Variants in BYSL observed in about 807,000 individuals in gnomAD.
The protein encoded by BYSL is bystin like.
Under a neutral mutation model 45.4 loss-of-function variants are expected in BYSL, and 21 were observed. That is an observed-to-expected ratio of 0.46 (90% CI 0.33 to 0.67). The LOEUF is 0.67. Ranked by LOEUF, BYSL falls within the 30% of genes least tolerant of loss-of-function variation. BYSL has a pLI of 0.02. For synonymous variants in BYSL, 215 were observed against 231.3 expected, an observed-to-expected ratio of 0.93 and a Z score of 0.64; for missense variants, 522 against 578.5, an observed-to-expected ratio of 0.90 and a Z score of 1.00.
At chr6:41,918,155 C>T (rs1410927999), upstream of BYSL, among the ~76,000 whole-genome samples, 2 of 152,200 alleles carry the variant, frequency 1.3e-5, no homozygotes, top group African/African-American at 2.4e-5. Flanking sequence ...GATGAATTAA[C>T]TCTCCAAATC....
Position 41,921,822 on chromosome 6 carries a change from C to T in BYSL, c.260C>T (p.Thr87Met). Residue 87 changes from threonine (T) to methionine (M), a missense_variant, in exon 1 of 7, where the codon ACG becomes ATG. By Grantham distance (81) the Thr-to-Met change is moderately conservative (BLOSUM62 -1). Coordinates refer to ENST00000230340, the MANE Select transcript of BYSL (RefSeq NM_004053.4). ...CCCGCGGCGCCGCGGGAACGCACCA[C>T]GCGGCTGGGTGAGTGTCTGGGATGA... The part of the protein sequence containing the change: ...DKPAAPRERT[T>M]RLGPRMPQDG... The T allele has an allele frequency of 4.3e-6, 7 of 1,610,750 alleles. No homozygotes were observed. The highest frequency in any genetic ancestry group is 5.9e-6 in the Non-Finnish European group (7 of 1,178,818).
rs1775644856 is a variant in BYSL, at chr6:41,931,841, T to TG, written c.968+16dup. 2 of 1,609,062 alleles carry TG rather than the reference T, an allele frequency of 1.2e-6. No individual in the cohort carries two copies. The highest frequency in any genetic ancestry group is 1.7e-6 in the Non-Finnish European group (2 of 1,175,568). ...TGTGTTGCACTCCAGGTAGTATTGCTGGGGGTGGAAGGGGGCTGGTCAGTG... is the reference window on the plus strand; with the variant it reads ...TGTGTTGCACTCCAGGTAGTATTGCTGGGGGGTGGAAGGGGGCTGGTCAGTG... On this transcript the variant is annotated intron_variant, in intron 6 of 6. Coordinates refer to ENST00000230340, the MANE Select transcript of BYSL (RefSeq NM_004053.4).
At chr6:41,908,848 C>G in the BYSL span, 11 of 199,544 alleles carry the variant, frequency 5.5e-5, no homozygotes, top group Middle Eastern at 3.9e-3. Flanking sequence ...GCATAGATGC[C>G]TTGGAGTCAG....
chr6:41,930,510 C>G, intron 3 of BYSL, 125 bp from the exon 4 acceptor site: 2 of 1,341,482 alleles, frequency 1.5e-6, no homozygotes, highest in Non-Finnish European at 2.0e-6. Context: ...ATAATGGCAC[C>G]TCCTTATAGG....
In BYSL at chr6:41,932,776, T is replaced by A. The variant is rs1194783090; in HGVS notation, c.*70T>A. The A allele has an allele frequency of 6.8e-7, 1 of 1,477,796 alleles. No individual in the cohort carries two copies. Among genetic ancestry groups the A allele is most frequent in the Non-Finnish European group, 9.2e-7 (1 of 1,090,110 alleles). 91.5% of individuals were successfully genotyped at this position (1,477,796 alleles called of 1,614,324 possible). A position where few individuals can be genotyped will look rare whatever the true frequency, so the allele number is the denominator to read the frequency against. ...CAAGACCCCCGTTGGTGACTGAAGA[T>A]GACACTGAGCTTTAATGGCTGAAGA... is the stretch of plus-strand genomic sequence containing the variant. On this transcript the variant is annotated 3_prime_UTR_variant, in exon 7 of 7. Transcript: ENST00000230340. The surrounding 1 kb of genome is among the most constrained non-coding windows in gnomAD (Gnocchi z 4.7).
upstream of BYSL, chr6:41,920,832 G>A (rs1775443601): frequency 1.1e-5 from 7 of 647,708 alleles, no homozygotes; most frequent in South Asian, 6.7e-5. Flanking sequence ...AGGAAGGGGC[G>A]CATCTCTGAG....
At chr6:41,927,046 A>T (rs1775573318) in intron 1 of BYSL, among the ~76,000 whole-genome samples, 2 of 150,958 alleles carry the variant, frequency 1.3e-5, no homozygotes, top group African/African-American at 2.4e-5. Flanking sequence ...GTGAGCTGAG[A>T]TCCAGCCACT....
chr6:41,927,710 A>G, intron 2 of BYSL, 174 bp downstream of exon 2: 2 of 686,104 alleles, frequency 2.9e-6, no homozygotes, highest in East Asian at 5.7e-5. Context: ...AGTAGGAATG[A>G]CCCAGCCTCA....
At chr6:41,926,823 A>G (rs1252438882) in intron 1 of BYSL, among the ~76,000 whole-genome samples, 5 of 150,604 alleles carry the variant, frequency 3.3e-5, no homozygotes, top group African/African-American at 1.2e-4. Flanking sequence ...GGCCGGGAAC[A>G]GTGGCTCACG....
intron 2 of BYSL, among the ~76,000 whole-genome samples, chr6:41,929,569 T>C (rs1411933459): frequency 6.6e-6 from 1 of 152,244 alleles, no homozygotes; most frequent in African/African-American, 2.4e-5. Flanking sequence ...AAGGCGATGG[T>C]AATTCTGAAT....
chr6:41,909,134 A>G, the BYSL span: 26 of 1,229,380 alleles, frequency 2.1e-5, no homozygotes, highest in Non-Finnish European at 2.6e-5. Flanking sequence ...AGATTGTGCC[A>G]TTGCATTCCA....
intron 3 of BYSL, 131 bp from the exon 4 acceptor site, chr6:41,930,504 T>C: frequency 7.6e-7 from 1 of 1,313,002 alleles, no homozygotes; most frequent in Non-Finnish European, 1.0e-6. Flanking sequence ...AGCATAATAA[T>C]GGCACCTCCT....
At chr6:41,921,069 C>T (rs753969791), upstream of BYSL, 15 of 1,603,912 alleles carry the variant, frequency 9.4e-6, no homozygotes, top group Non-Finnish European at 1.2e-5. Flanking sequence ...CGCAGGGTTC[C>T]CTGTCCGCCC....
chr6:41,928,271 A>G (rs919934846), intron 2 of BYSL, among the ~76,000 whole-genome samples: 3 of 152,200 alleles, frequency 2.0e-5, no homozygotes, highest in African/African-American at 7.2e-5. Context: ...ACCCTGTGAT[A>G]TTAACATAAT....
upstream of BYSL, among the ~76,000 whole-genome samples, chr6:41,920,335 T>G (rs900635776): frequency 4.6e-5 from 7 of 152,170 alleles, no homozygotes; most frequent in Non-Finnish European, 8.8e-5. Context: ...CGGGTCTAAC[T>G]GTATTTGATG....
At chr6:41,914,454 CAGAT>C in the BYSL span, among the ~76,000 whole-genome samples, 1 of 152,188 alleles carries the variant, frequency 6.6e-6, no homozygotes, top group Non-Finnish European at 1.5e-5. Flanking sequence ...GAAACAGTAA[CAGAT>C]AGGTTGTGGG....
At position 41,930,771 on chromosome 6, in the gene BYSL, A is replaced by G. The variant is rs1775626303; in HGVS notation, c.704+3A>G. The stretch of plus-strand genomic sequence containing the variant: ...GCTGCCATGTACCAGGCCACCAGGT[A>G]GAGTAGCTGGGGGTTCGGGGGCCTT... On this transcript the variant is annotated splice_donor_region_variant and intron_variant, in intron 4 of 6. Transcript: ENST00000230340. 1.9e-6 allele frequency: 3 copies of G among 1,611,190 alleles called. No individual in the cohort carries two copies. The highest frequency in any genetic ancestry group is 2.5e-6 in the Non-Finnish European group (3 of 1,179,104).
At chr6:41,930,385 A>C in intron 3 of BYSL, 115 bp downstream of exon 3, 1 of 1,396,222 alleles carries the variant, frequency 7.2e-7, no homozygotes, top group Non-Finnish European at 9.6e-7. Context: ...TGGGAGTAGA[A>C]AACAGACCTA....
rs368234137 is a variant in BYSL, at chr6:41,931,491, G to A, written c.800G>A (p.Arg267Gln). The A allele has an allele frequency of 5.9e-5, 95 of 1,613,976 alleles. No homozygotes were observed. The highest frequency in any genetic ancestry group is 1.6e-4 in the Middle Eastern group (1 of 6,082). ...RVRDDVAEYK[R>Q]LNFHLYMALK... ...CGAGATGACGTTGCTGAATACAAAC[G>A]ACTCAACTTCCATCTCTACATGGCT... is the stretch of plus-strand genomic sequence containing the variant. The change falls in exon 5 of 7, where the codon CGA (arginine) becomes CAA (glutamine). Residue 267 changes from arginine (R) to glutamine (Q), a missense_variant. Transcript: ENST00000230340.
Sources: gnomAD v4.1 joint callset for allele counts (sites outside exome capture counted in the v4.1 genomes callset) on GRCh38, gnomAD v4.1.1 for gene constraint, Gnocchi (gnomAD v3.1) non-coding constraint, MANE v1.5 for transcripts, NCBI Gene and HGNC (gene_info 2026-07-23, HGNC 2026-07-21) for gene names.